ERC2: variants seen among roughly 807,000 people sequenced by gnomAD.
ERC2 encodes ELKS/RAB6-interacting/CAST family member 2.
In ERC2, 42 loss-of-function variants were observed where a neutral mutation model predicts 114.8. The ratio of observed to expected loss-of-function variants is 0.37; its 90% CI spans 0.29 to 0.47. ERC2 has a LOEUF of 0.47. Ranked by LOEUF, ERC2 falls within the 20% of genes least tolerant of loss-of-function variation. ERC2 has a pLI of 0.99. For missense variants in ERC2, 939 were observed against 1,150.7 expected, an observed-to-expected ratio of 0.82 and a Z score of 2.66; for synonymous variants, 454 against 425.5, an observed-to-expected ratio of 1.07 and a Z score of -0.82.
intron 12 of ERC2, among the ~76,000 whole-genome samples, chr3:55,955,391 C>T: frequency 6.6e-6 from 1 of 152,150 alleles, no homozygotes; most frequent in Admixed American, 6.5e-5. Flanking sequence ...CACCCTGCCT[C>T]ATGGCCCTTC....
At chr3:56,211,162 C>T (rs1006555994) in intron 3 of ERC2, among the ~76,000 whole-genome samples, 32 of 152,066 alleles carry the variant, frequency 2.1e-4, no homozygotes, top group Non-Finnish European at 3.4e-4. Flanking sequence ...GTCAAACTGT[C>T]GCTGCTTGCT....
chr3:55,727,403 C>T (rs1455741738), intron 15 of ERC2, among the ~76,000 whole-genome samples: 1 of 151,902 alleles, frequency 6.6e-6, no homozygotes, highest in African/African-American at 2.4e-5. Context: ...GAAAGGAATA[C>T]AAAAGTTGGA....
At chr3:55,572,080 G>A (rs3907611) in intron 17 of ERC2, among the ~76,000 whole-genome samples, 9,219 of 152,332 alleles carry the variant, frequency 0.061, 384 homozygotes, top group Non-Finnish European at 0.087. Flanking sequence ...CGGCGTTCCT[G>A]AGGGAGGTGG....
chr3:56,409,467 C>A (rs2060855340), intron 2 of ERC2, among the ~76,000 whole-genome samples: 2 of 148,690 alleles, frequency 1.3e-5, no homozygotes, highest in South Asian at 2.1e-4. Context: ...GGGAAAAAAA[C>A]CATTGCATTG....
At chr3:56,131,160 T>C (rs886989516) in intron 6 of ERC2, among the ~76,000 whole-genome samples, 6 of 152,158 alleles carry the variant, frequency 3.9e-5, no homozygotes, top group African/African-American at 9.7e-5. Context: ...GACCTCCCAA[T>C]TGTGGCCACC....
intron 14 of ERC2, among the ~76,000 whole-genome samples, chr3:55,836,392 G>T (rs1454953153): frequency 6.6e-6 from 1 of 152,104 alleles, no homozygotes; most frequent in African/African-American, 2.4e-5. Flanking sequence ...CATGGTACTG[G>T]TACCAAAACA....
At chr3:55,703,493 C>A (rs1035998886) in intron 15 of ERC2, among the ~76,000 whole-genome samples, 1 of 152,248 alleles carries the variant, frequency 6.6e-6, no homozygotes, top group Non-Finnish European at 1.5e-5. Context: ...GTAGCCACCC[C>A]CCTGGGTCTC....
At chr3:56,247,636 T>G (rs1008206069) in intron 3 of ERC2, among the ~76,000 whole-genome samples, 3 of 152,180 alleles carry the variant, frequency 2.0e-5, no homozygotes, top group Non-Finnish European at 2.9e-5. Flanking sequence ...TGACCAAGAA[T>G]AAAGTGGTGG....
intron 7 of ERC2, among the ~76,000 whole-genome samples, chr3:56,036,531 C>A (rs768966607): frequency 1.3e-5 from 2 of 152,036 alleles, no homozygotes; most frequent in Non-Finnish European, 2.9e-5. Flanking sequence ...CCAGGAAGAA[C>A]GAAAACGGCA....
At chr3:55,872,774 G>C (rs1424483667) in intron 14 of ERC2, among the ~76,000 whole-genome samples, 1 of 152,162 alleles carries the variant, frequency 6.6e-6, no homozygotes, top group East Asian at 1.9e-4. Flanking sequence ...TGCCTCCAGA[G>C]GTGCTGGGCA....
rs1160760965 is a variant in ERC2, at chr3:55,520,066, G to GA, written c.*40-8791dup. On this transcript the variant is annotated intron_variant, in intron 17 of 17. Coordinates refer to ENST00000288221, the MANE Select transcript of ERC2 (RefSeq NM_015576.3). ...TGAGACCCAGTCTCCAAAAAAAAAG[G>GA]AAAAAAAAGGATAAAATTAGACAAA... 2.3e-3 allele frequency among the ~76,000 whole-genome samples: 320 copies of GA among 139,332 alleles called. 1 individual carries two copies. The highest frequency in any genetic ancestry group is 8.5e-3 in the African/African-American group (305 of 35,918). 91.4% of individuals were successfully genotyped at this position (139,332 alleles called of 152,430 possible).
intron 17 of ERC2, among the ~76,000 whole-genome samples, chr3:55,649,091 C>T (rs2060507980): frequency 6.6e-6 from 1 of 152,106 alleles, no homozygotes; most frequent in Admixed American, 6.6e-5. Context: ...TACAAGTCAT[C>T]CTTCCCCAAA....
chr3:56,305,987 CTACA>C (rs991843229), intron 2 of ERC2, among the ~76,000 whole-genome samples: 1 of 152,116 alleles, frequency 6.6e-6, no homozygotes, highest in African/African-American at 2.4e-5. Context: ...GTAGCTGGGA[CTACA>C]GGCATGCACC....
At chr3:56,383,837 T>C (rs1207973912) in intron 2 of ERC2, among the ~76,000 whole-genome samples, 2 of 152,126 alleles carry the variant, frequency 1.3e-5, no homozygotes, top group African/African-American at 4.8e-5. Context: ...CCATTGAACA[T>C]TGAACAATAT....
At chr3:56,456,251 T>C (rs2063057167) in intron 1 of ERC2, among the ~76,000 whole-genome samples, 1 of 152,252 alleles carries the variant, frequency 6.6e-6, no homozygotes, top group African/African-American at 2.4e-5. Context: ...TTCTCGTTAC[T>C]TGTTTGCCAA....
intron 8 of ERC2, among the ~76,000 whole-genome samples, chr3:56,013,033 T>C (rs1160789657): frequency 1.3e-5 from 2 of 152,208 alleles, no homozygotes; most frequent in Non-Finnish European, 2.9e-5. Context: ...TTATCTGCTA[T>C]GTGGCTACAG....
intron 17 of ERC2, among the ~76,000 whole-genome samples, chr3:55,574,102 C>T (rs574057888): frequency 6.6e-6 from 1 of 152,230 alleles, no homozygotes; most frequent in East Asian, 1.9e-4. Context: ...TTTTCAAAGG[C>T]CCAGGGCTTT....
At chr3:55,638,628 A>G (rs1027074706) in intron 17 of ERC2, among the ~76,000 whole-genome samples, 1 of 152,248 alleles carries the variant, frequency 6.6e-6, no homozygotes, top group Non-Finnish European at 1.5e-5. Context: ...AAAGGGCACC[A>G]TAAGAACAGG....
At chr3:56,022,735 G>C (rs1427878922) in intron 7 of ERC2, among the ~76,000 whole-genome samples, 1 of 152,172 alleles carries the variant, frequency 6.6e-6, no homozygotes, top group South Asian at 2.1e-4. Context: ...GGAAAGGGAA[G>C]GGTTTTTTTG....
Sources: allele counts gnomAD v4.1 joint callset (sites outside exome capture counted in the v4.1 genomes callset), GRCh38; gene constraint gnomAD v4.1.1; transcripts MANE v1.5; gene names NCBI Gene and HGNC (gene_info 2026-07-23, HGNC 2026-07-21).